The following MOB1A variants were observed in gnomAD, a reference collection of about 807,000 sequenced individuals.
MOB1A encodes the protein MOB1 Mps One Binder homolog A.
Under a neutral mutation model 25.1 loss-of-function variants are expected in MOB1A, and 10 were observed. The observed-to-expected ratio is 0.40, with a 90% confidence interval of 0.25 to 0.68. The LOEUF is 0.68. Ranked by LOEUF, MOB1A falls within the 30% of genes least tolerant of loss-of-function variation. The pLI, the probability that MOB1A is intolerant of heterozygous loss-of-function variation, is 0.40. For synonymous variants in MOB1A, 81 were observed against 79.5 expected (o/e 1.02, Z -0.10); for missense variants, 177 against 256.3 (o/e 0.69, Z 2.11).
intron 1 of MOB1A, among the ~76,000 whole-genome samples, chr2:74,172,997 A>G (rs1693340470): frequency 6.6e-6 from 1 of 152,168 alleles, no homozygotes; most frequent in Non-Finnish European, 1.5e-5. Flanking sequence ...TTAGCCAAGC[A>G]TGATGGCGCA....
At chr2:74,176,134 G>C (rs955199155) in intron 1 of MOB1A, among the ~76,000 whole-genome samples, 7 of 139,588 alleles carry the variant, frequency 5.0e-5, no homozygotes, top group Admixed American at 1.4e-4. Context: ...AAACTAGCCG[G>C]GCGTGGTGGC....
At chr2:74,168,469 G>T (rs145958466) in intron 2 of MOB1A, among the ~76,000 whole-genome samples, 1 of 151,974 alleles carries the variant, frequency 6.6e-6, no homozygotes, top group Non-Finnish European at 1.5e-5. Context: ...GCTAGACCCC[G>T]GTCTCTATTG....
At chr2:74,171,827 C>T (rs1235858786) in intron 2 of MOB1A, among the ~76,000 whole-genome samples, 3 of 151,844 alleles carry the variant, frequency 2.0e-5, no homozygotes, top group Non-Finnish European at 2.9e-5. Flanking sequence ...GGCTTGAACC[C>T]GGGAGGTGGA....
intron 2 of MOB1A, among the ~76,000 whole-genome samples, chr2:74,167,499 T>C (rs1320742871): frequency 6.6e-6 from 1 of 152,164 alleles, no homozygotes; most frequent in African/African-American, 2.4e-5. Context: ...TCCACTCGCA[T>C]GTAACAGCAG....
chr2:74,153,729 T>G lies in MOB1A; in HGVS notation c.*2839A>C, dbSNP rs1232343399. On this transcript the variant is annotated 3_prime_UTR_variant, in exon 6 of 6. Transcript: ENST00000396049. ...AATTTAGCAAGCACTCTCTACCCCATGACTGTAATCATGTATGAAGAGCAG... is the reference window on the plus strand; with the variant it reads ...AATTTAGCAAGCACTCTCTACCCCAGGACTGTAATCATGTATGAAGAGCAG... 5 of 152,148 alleles carry G rather than the reference T, an allele frequency of 3.3e-5. No homozygotes were observed. The highest frequency in any genetic ancestry group is 3.3e-4 in the Admixed American group (5 of 15,268). The allele number at this position is 152,148 out of a possible 1,614,324, so 9.4% of individuals were successfully genotyped here.
chr2:74,163,700 C>G (rs531172560), intron 4 of MOB1A, among the ~76,000 whole-genome samples: 1 of 152,146 alleles, frequency 6.6e-6, no homozygotes, highest in Admixed American at 6.6e-5. Flanking sequence ...AAATAACCAG[C>G]TGGAAACCAG....
In MOB1A at chr2:74,170,812, G is replaced by C. The variant is rs982048493; in HGVS notation, c.181+1774C>G. 2.0e-5 allele frequency among the ~76,000 whole-genome samples: 3 copies of C among 151,622 alleles called. No individual in the cohort carries two copies. The South Asian group carries it at 6.2e-4, about 32-fold the overall frequency. Reference sequence around the variant, plus strand: ...CGGGTGAGGTGGGAGGATCACTTGAGTCCAGAAGTTGAGGCTGCAGTGAGC... The same window carrying C: ...CGGGTGAGGTGGGAGGATCACTTGACTCCAGAAGTTGAGGCTGCAGTGAGC... On this transcript the variant is annotated intron_variant, in intron 2 of 5. Transcript: ENST00000396049.
intron 1 of MOB1A, 125 bp downstream of exon 1, chr2:74,178,535 CA>C (rs1693544421): frequency 3.2e-6 from 2 of 624,504 alleles, no homozygotes; most frequent in African/African-American, 1.9e-5. Flanking sequence ...CGAACAGAGG[CA>C]AAACAAACGC....
intron 4 of MOB1A, among the ~76,000 whole-genome samples, chr2:74,161,456 A>ATAAT (rs1558832452): frequency 9.2e-5 from 14 of 151,840 alleles, no homozygotes; most frequent in Admixed American, 3.9e-4. Context: ...ATCCTGGCTA[A>ATAAT]CACAGTGAAA....
Position 74,160,432 on chromosome 2 carries a change from C to A in MOB1A, c.410-1178G>T, listed in dbSNP as rs149638437. On this transcript the variant is annotated intron_variant, in intron 4 of 5. Transcript: ENST00000396049. ...GGGCACAGTGGCTCACGCCTGTAAT[C>A]CCAGCACTTTGGGAGGCCGAGGGGG... is the stretch of plus-strand genomic sequence containing the variant. Among the ~76,000 whole-genome samples the A allele has an allele frequency of 2.5e-3, 386 of 152,302 alleles. 2 individuals carry two copies. Among genetic ancestry groups the A allele is most frequent in the African/African-American group, 8.8e-3 (364 of 41,564 alleles).
At chr2:74,164,051 G>A (rs1693056558) in intron 4 of MOB1A, 1 of 152,158 alleles carries the variant, frequency 6.6e-6, no homozygotes, top group South Asian at 2.1e-4. Flanking sequence ...AGTCACCAAC[G>A]TGTGGAATTT....
At chr2:74,158,355 G>C (rs749567170) in intron 5 of MOB1A, among the ~76,000 whole-genome samples, 20 of 152,070 alleles carry the variant, frequency 1.3e-4, no homozygotes, top group Non-Finnish European at 1.6e-4. Flanking sequence ...AAAGCTACCA[G>C]GTTTTTTCAT....
At chr2:74,175,927 T>C (rs1485542005) in intron 1 of MOB1A, among the ~76,000 whole-genome samples, 2 of 151,872 alleles carry the variant, frequency 1.3e-5, no homozygotes, top group African/African-American at 4.8e-5. Context: ...CCTGAGTAAT[T>C]TGGAATTTAA....
At chr2:74,158,285 A>G (rs1031910787) in intron 5 of MOB1A, among the ~76,000 whole-genome samples, 1 of 151,858 alleles carries the variant, frequency 6.6e-6, no homozygotes, top group Admixed American at 6.6e-5. Flanking sequence ...ACAATCTGAG[A>G]AGGAAGATCA....
chr2:74,172,841 T>C, intron 1 of MOB1A, 89 bp from the exon 2 acceptor site: 1 of 1,349,318 alleles, frequency 7.4e-7, no homozygotes, highest in Non-Finnish European at 1.0e-6. Context: ...TAAAGTAGCC[T>C]GTAAAAATAA....
chr2:74,168,917 T>C (rs1475360625), intron 2 of MOB1A, among the ~76,000 whole-genome samples: 1 of 152,212 alleles, frequency 6.6e-6, no homozygotes, highest in Non-Finnish European at 1.5e-5. Flanking sequence ...AGGAATCCCC[T>C]ATCTGAGGGA....
Position 74,162,731 on chromosome 2 carries a change from C to T in MOB1A, c.409+2487G>A, listed in dbSNP as rs1693009281. On this transcript the variant is annotated intron_variant, in intron 4 of 5. Coordinates refer to ENST00000396049, the MANE Select transcript of MOB1A (RefSeq NM_018221.5). ...CAAATGTTAACAACTTGGAAAAAAA[C>T]TGTTGTCCTGAAAAGCCTCTATAAG... Among the ~76,000 whole-genome samples, 7 of 152,054 alleles carry T rather than the reference C, an allele frequency of 4.6e-5. 1 individual carries two copies. Among genetic ancestry groups the T allele is most frequent in the Non-Finnish European group, 1.5e-5 (1 of 68,000 alleles).
In MOB1A at chr2:74,154,610, T is replaced by C. The variant is rs1343146622; in HGVS notation, c.*1958A>G. On this transcript the variant is annotated 3_prime_UTR_variant, in exon 6 of 6. Transcript: ENST00000396049. ...CTCTTTTGTTTGAGAATATTTGAAA[T>C]ACTAGAAATAATGAGGAAAGTACAA... 2 of 152,180 alleles carry C rather than the reference T, an allele frequency of 1.3e-5. No individual in the cohort carries two copies. The highest frequency in any genetic ancestry group is 2.9e-5 in the Non-Finnish European group (2 of 68,026). 9.4% of individuals were successfully genotyped at this position (152,180 alleles called of 1,614,324 possible).
chr2:74,165,793 C>G (rs1304624660), intron 3 of MOB1A, among the ~76,000 whole-genome samples: 1 of 152,146 alleles, frequency 6.6e-6, no homozygotes, highest in Non-Finnish European at 1.5e-5. Context: ...GGCATGCATA[C>G]TTTCCCCCCT....
Sources: allele counts gnomAD v4.1 joint callset (sites outside exome capture counted in the v4.1 genomes callset), GRCh38; gene constraint gnomAD v4.1.1; transcripts MANE v1.5; gene names NCBI Gene and HGNC (gene_info 2026-07-23, HGNC 2026-07-21).